The following INTS1 variants were observed in gnomAD, a reference collection of about 807,000 sequenced individuals.
INTS1 encodes the protein integrator complex subunit 1.
A neutral mutation model predicts 241.6 loss-of-function variants in INTS1; 137 were observed. The observed-to-expected ratio is 0.57, with a 90% CI of 0.49 to 0.65. The LOEUF (loss-of-function observed/expected upper bound fraction) is 0.65, where lower values mean the gene tolerates loss of function less well. INTS1 is among the 30% of genes least tolerant of loss of function. The pLI is 0.00. For missense variants in INTS1, 3,073 were observed against 3,032.2 expected, an observed-to-expected ratio of 1.01 and a Z score of -0.32; for synonymous variants, 1,692 against 1,337.8, an observed-to-expected ratio of 1.26 and a Z score of -5.78.
rs1781942115 is a variant in INTS1, at chr7:1,480,456, G to A, written c.3950-15C>T. 1 of 1,610,174 alleles carries A rather than the reference G, an allele frequency of 6.2e-7. No individual in the cohort carries two copies. Among genetic ancestry groups the A allele is most frequent in the East Asian group, 2.2e-5 (1 of 44,768 alleles). On this transcript the variant is annotated splice_polypyrimidine_tract_variant and intron_variant, in intron 29 of 47. Transcript: ENST00000404767. ...CTCTGTGCTGTCTGCAGAGACAGGAGAACTGTCAGTGGCTGGACACTTTCT... is the reference window on the plus strand; with the variant it reads ...CTCTGTGCTGTCTGCAGAGACAGGAAAACTGTCAGTGGCTGGACACTTTCT...
chr7:1,485,342 C>T lies in INTS1; in HGVS notation c.3104G>A (p.Arg1035His), dbSNP rs772901184. 22 of 1,611,806 alleles carry T rather than the reference C, an allele frequency of 1.4e-5. No individual in the cohort carries two copies. The South Asian group carries it at 1.9e-4, about 14-fold the overall frequency. ...GYQWLLRDLP[R>H]LPLFDSVRST... ...CCTGACGCTGTCGAACAGAGGCAGGCGAGGCAGGTCCCGCAGCAGCCACTG... is the reference window on the plus strand; with the variant it reads ...CCTGACGCTGTCGAACAGAGGCAGGTGAGGCAGGTCCCGCAGCAGCCACTG... The change falls in exon 23 of 48, where the codon CGC becomes CAC. Residue 1035 changes from arginine (R) to histidine (H), a missense_variant. By Grantham distance (29) the Arg-to-His change is conservative. Transcript: ENST00000404767.
rs1343897380 is a variant in INTS1, at chr7:1,488,822, G to A, written c.2318+522C>T. 2.6e-5 allele frequency among the ~76,000 whole-genome samples: 4 copies of A among 152,220 alleles called. 1 individual carries two copies. Among genetic ancestry groups the A allele is most frequent in the Admixed American group, 2.6e-4 (4 of 15,284 alleles). On this transcript the variant is annotated intron_variant, in intron 18 of 47. Coordinates refer to ENST00000404767, the MANE Select transcript of INTS1 (RefSeq NM_001080453.3). ...CCAATGCTGCCAGGCACAGCTGGTG[G>A]TGAGCCCTGGGCGTCTCCTAGGCAG...
intron 3 of INTS1, among the ~76,000 whole-genome samples, chr7:1,502,620 C>A (rs1356918195): frequency 1.3e-5 from 2 of 152,080 alleles, no homozygotes; most frequent in Non-Finnish European, 2.9e-5. Context: ...AGACAGTGCC[C>A]GTCACAAAGG....
Position 1,497,701 on chromosome 7 carries a change from C to T in INTS1, c.1426-387G>A, listed in dbSNP as rs1323863762. On this transcript the variant is annotated intron_variant, in intron 10 of 47. Transcript: ENST00000404767. This position sits in a 1 kb window ranked among gnomAD's most constrained non-coding sequence, Gnocchi z 5.3. Reference sequence around the variant, plus strand: ...ATCTGAAAGGATCTGAAAGGACGCACTCCTGTCTCAAAATGCCAGGCCGCG... The same window carrying T: ...ATCTGAAAGGATCTGAAAGGACGCATTCCTGTCTCAAAATGCCAGGCCGCG... 6.6e-6 allele frequency among the ~76,000 whole-genome samples: 1 copy of T among 152,200 alleles called. No individual in the cohort carries two copies. Among genetic ancestry groups the T allele is most frequent in the Non-Finnish European group, 1.5e-5 (1 of 68,010 alleles).
At chr7:1,477,069 C>T (rs1437235042) in intron 35 of INTS1, among the ~76,000 whole-genome samples, 151 bp from the exon 36 acceptor site, 3 of 152,170 alleles carry the variant, frequency 2.0e-5, no homozygotes, top group Non-Finnish European at 4.4e-5. Context: ...GCTGGAGGGC[C>T]GCTCCTGGTG....
chr7:1,499,052 G>A lies in INTS1; in HGVS notation c.1060C>T (p.Leu354Phe). The A allele has an allele frequency of 6.3e-7, 1 of 1,595,260 alleles. No individual in the cohort carries two copies. The highest frequency in any genetic ancestry group is 8.5e-7 in the Non-Finnish European group (1 of 1,172,224). Residue 354 changes from leucine (L) to phenylalanine (F), a missense_variant, in exon 8 of 48, where the codon CTC becomes TTC. Physicochemically the swap from Leu to Phe is conservative, Grantham distance 22. Coordinates refer to ENST00000404767, the MANE Select transcript of INTS1 (RefSeq NM_001080453.3). ...TCCTTATAGCCGCAGGTGGAGGTGAGGAGCCGCAGGAGGTTCCTGGAGACG... is the reference window on the plus strand; with the variant it reads ...TCCTTATAGCCGCAGGTGGAGGTGAAGAGCCGCAGGAGGTTCCTGGAGACG... ...DNVSRNLLRLLTSTCGYKEVR... is the reference protein window; with the variant it reads ...DNVSRNLLRLFTSTCGYKEVR...
chr7:1,483,388 G>GC (rs1782089375), intron 26 of INTS1: 1 of 377,032 alleles, frequency 2.7e-6, no homozygotes, highest in Non-Finnish European at 5.1e-6. Context: ...GCCTCATGTC[G>GC]CACCTCCACA....
intron 16 of INTS1, 36 bp from the exon 17 acceptor site, chr7:1,489,718 C>T (rs964993266): frequency 7.1e-7 from 1 of 1,402,996 alleles, no homozygotes; most frequent in South Asian, 1.4e-5. Flanking sequence ...AGGCCCAGCG[C>T]ACCAAGCTCA....
At chr7:1,485,262 C>T (rs199644033) in intron 23 of INTS1, 28 bp downstream of exon 23, 3 of 1,597,896 alleles carry the variant, frequency 1.9e-6, no homozygotes, top group Non-Finnish European at 2.6e-6. Context: ...TCATCTTTCC[C>T]TGCCGCGGCC....
intron 10 of INTS1, 65 bp downstream of exon 10, chr7:1,498,347 G>A (rs1373076448): frequency 6.9e-6 from 11 of 1,590,742 alleles, no homozygotes; most frequent in East Asian, 2.3e-5. Flanking sequence ...CAGACGCCAC[G>A]TGCCCCTCCA....
rs956439978 is a variant in INTS1 at position 1,470,426 on chromosome 7, G to A, written c.*151C>T. The A allele has an allele frequency of 2.8e-5, 16 of 571,732 alleles. 1 individual carries two copies. The highest frequency in any genetic ancestry group is 2.2e-4 in the South Asian group (9 of 40,900). The allele number at this position is 571,732 out of a possible 1,614,324, so 35.4% of individuals were successfully genotyped here. A position where few individuals can be genotyped will look rare whatever the true frequency, so the allele number is the denominator to read the frequency against. ...CCGGCCCGGAGCCACCCCAGGGCTCGGAGTATTGCTCCTGGGCCTGCCTGG... is the reference window on the plus strand; with the variant it reads ...CCGGCCCGGAGCCACCCCAGGGCTCAGAGTATTGCTCCTGGGCCTGCCTGG... On this transcript the variant is annotated 3_prime_UTR_variant, in exon 48 of 48. Coordinates refer to ENST00000404767, the MANE Select transcript of INTS1 (RefSeq NM_001080453.3).
chr7:1,479,317 G>T, intron 31 of INTS1, 113 bp downstream of exon 31: 1 of 1,254,506 alleles, frequency 8.0e-7, no homozygotes, highest in Non-Finnish European at 1.1e-6. Flanking sequence ...TTTCTCACTT[G>T]GAAACTGAGA....
rs1782697705 is a variant in INTS1, at chr7:1,493,630, G to T, written c.2068+124C>A. ...AAGGCAGGTCCCCGAGCCTCCCGGGGACCCAGGACCCAGCTGAAGCGCAGC... is the reference window on the plus strand; with the variant it reads ...AAGGCAGGTCCCCGAGCCTCCCGGGTACCCAGGACCCAGCTGAAGCGCAGC... On this transcript the variant is annotated intron_variant, in intron 15 of 47. Transcript: ENST00000404767. The surrounding 1 kb of genome is among the most constrained non-coding windows in gnomAD (Gnocchi z 5.3). 1 of 1,301,480 alleles carries T rather than the reference G, an allele frequency of 7.7e-7. No individual in the cohort carries two copies. The highest frequency in any genetic ancestry group is 1.6e-5 in the South Asian group (1 of 62,700). The allele number at this position is 1,301,480 out of a possible 1,614,324, so 80.6% of individuals were successfully genotyped here.
chr7:1,486,630 T>C lies in INTS1; in HGVS notation c.2971A>G (p.Met991Val), dbSNP rs376717716. Residue 991 changes from methionine (M) to valine (V), a missense_variant, in exon 22 of 48, where the codon ATG becomes GTG. By Grantham distance (21) the Met-to-Val change is conservative. Transcript: ENST00000404767. ...SSQVASRVLA[M>V]KGLSLVLSEG... ...AGACCCGCCCACCACCTCACCTTCA[T>C]GGCCAGCACGCGGGAGGCCACCTGG... 88 of 1,611,436 alleles carry C rather than the reference T, an allele frequency of 5.5e-5. 1 individual carries two copies. In the Admixed American group the frequency reaches 1.3e-3, roughly 24 times the overall value.
chr7:1,476,567 T>C lies in INTS1; in HGVS notation c.5151+3A>G, dbSNP rs1462177772. On this transcript the variant is annotated splice_donor_region_variant and intron_variant, in intron 37 of 47. Coordinates refer to ENST00000404767, the MANE Select transcript of INTS1 (RefSeq NM_001080453.3). ...CCGGATGGGCCACCCTCCCAAGACC[T>C]GCCTGCGGGGTGCGCTGGTCCCGCC... 1 of 1,425,028 alleles carries C rather than the reference T, an allele frequency of 7.0e-7. No homozygotes were observed. The highest frequency in any genetic ancestry group is 1.9e-5 in the Admixed American group (1 of 51,612). The allele number at this position is 1,425,028 out of a possible 1,614,324, so 88.3% of individuals were successfully genotyped here.
rs776592096 is a variant in INTS1, at chr7:1,495,425, A to G, written c.1832+8T>C. 2.1e-5 allele frequency: 34 copies of G among 1,607,146 alleles called. No homozygotes were observed. The highest frequency in any genetic ancestry group is 2.9e-5 in the Non-Finnish European group (34 of 1,176,918). ...TGGGACAGGGGCTGTACAGGGCCCC[A>G]GCCGCACCAGTGCACGTAGTCCTTA... On this transcript the variant is annotated splice_region_variant and intron_variant, in intron 13 of 47. Transcript: ENST00000404767.
chr7:1,486,269 ATTTT>A (rs555613197), intron 22 of INTS1, among the ~76,000 whole-genome samples: 1 of 133,420 alleles, frequency 7.5e-6, no homozygotes, highest in African/African-American at 2.7e-5. Flanking sequence ...TCATTTATTT[ATTTT>A]TTTTTTTTTG....
Position 1,473,644 on chromosome 7 carries a change from A to G in INTS1, c.5879T>C (p.Val1960Ala). The change falls in exon 42 of 48, where the codon GTG becomes GCG. Residue 1960 changes from valine (V) to alanine (A), a missense_variant. Transcript: ENST00000404767. ...RHLAAFINKF[V>A]QFIHKYITYN... ...GGTAATGTACTTATGGATGAACTGC[A>G]CAAACTTGTTGATGAAGGCAGCCAG... 1 of 1,613,440 alleles carries G rather than the reference A, an allele frequency of 6.2e-7. No homozygotes were observed. Among genetic ancestry groups the G allele is most frequent in the Non-Finnish European group, 8.5e-7 (1 of 1,179,798 alleles).
chr7:1,488,074 C>G (rs1782363018), intron 18 of INTS1, 117 bp from the exon 19 acceptor site: 1 of 1,112,830 alleles, frequency 9.0e-7, no homozygotes, highest in African/African-American at 1.5e-5. Flanking sequence ...CTCTGCTGCA[C>G]AGCAGTCAGG....
Sources: gnomAD v4.1 joint callset for allele counts (sites outside exome capture counted in the v4.1 genomes callset) on GRCh38, gnomAD v4.1.1 for gene constraint, Gnocchi (gnomAD v3.1) non-coding constraint, MANE v1.5 for transcripts, NCBI Gene and HGNC (gene_info 2026-07-23, HGNC 2026-07-21) for gene names.